SPTY2D1: variants seen among roughly 807,000 people sequenced by gnomAD.
The protein encoded by SPTY2D1 is SPT2 chromatin protein domain containing 1, also known as protein SPT2 homolog.
SPTY2D1 carries 21 observed loss-of-function variants against 64.0 expected under a neutral mutation model. The observed-to-expected ratio is 0.33, with a 90% CI of 0.23 to 0.47. SPTY2D1 has a LOEUF of 0.47. Ranked by LOEUF, SPTY2D1 falls within the 20% of genes least tolerant of loss-of-function variation. The pLI is 1.00. For synonymous variants in SPTY2D1, 287 were observed against 286.8 expected (o/e 1.00, Z -0.01); for missense variants, 724 against 837.2 (o/e 0.86, Z 1.67).
intron 1 of SPTY2D1, among the ~76,000 whole-genome samples, chr11:18,620,929 T>G (rs1272618802): frequency 4.0e-5 from 6 of 151,624 alleles, no homozygotes; most frequent in Non-Finnish European, 8.8e-5. Flanking sequence ...AATATTTTAT[T>G]TGTAAAAAAA....
In SPTY2D1 at chr11:18,606,852, T is replaced by C. The variant is rs1256758955; in HGVS notation, c.*3009A>G. On this transcript the variant is annotated 3_prime_UTR_variant, in exon 6 of 6. Coordinates refer to ENST00000336349, the MANE Select transcript of SPTY2D1 (RefSeq NM_194285.3). ...TTGGGGATTACATTAAAAATGAAAA[T>C]TTGAGTTCCCACATTCTTTTTTTTT... 1 of 364,722 alleles carries C rather than the reference T, an allele frequency of 2.7e-6. No individual in the cohort carries two copies. Among genetic ancestry groups the C allele is most frequent in the Non-Finnish European group, 5.1e-6 (1 of 194,408 alleles). 22.6% of individuals were successfully genotyped at this position (364,722 alleles called of 1,614,324 possible).
intron 1 of SPTY2D1, among the ~76,000 whole-genome samples, chr11:18,625,619 G>A (rs1008208536): frequency 6.6e-6 from 1 of 151,856 alleles, no homozygotes; most frequent in Non-Finnish European, 1.5e-5. Flanking sequence ...GGAGTACAGT[G>A]GCATGACCTT....
In SPTY2D1 at chr11:18,612,769, CTTTTT is replaced by C. The variant is rs749489129; in HGVS notation, c.1712-286_1712-282del. Among the ~76,000 whole-genome samples the C allele has an allele frequency of 7.0e-6, 1 of 143,058 alleles. No homozygotes were observed. The highest frequency in any genetic ancestry group is 1.5e-5 in the Non-Finnish European group (1 of 64,932). 93.9% of individuals were successfully genotyped at this position (143,058 alleles called of 152,430 possible). On this transcript the variant is annotated intron_variant, in intron 3 of 5. Coordinates refer to ENST00000336349, the MANE Select transcript of SPTY2D1 (RefSeq NM_194285.3). This position sits in a 1 kb window ranked among gnomAD's most constrained non-coding sequence, Gnocchi z 4.6. Reference sequence around the variant, plus strand: ...TAAGATCAGTAAAATTTCTTTCTTTCTTTTTTTTTTTTTTGAGACAGAGTTTCACT... The same window carrying C: ...TAAGATCAGTAAAATTTCTTTCTTTCTTTTTTTTTGAGACAGAGTTTCACT...
At position 18,614,765 on chromosome 11, in the gene SPTY2D1, T is replaced by C. The variant is rs759461972; in HGVS notation, c.1509A>G (p.Gly503=). Residue 503 remains glycine (G), a synonymous_variant, in exon 3 of 6, where the codon GGA becomes GGG. Transcript: ENST00000336349. The part of the protein sequence containing the change: ...GRSISGSIPA[G]RTVSNSVPGR... ...CTGGGACTGAATTACTGACAGTCCG[T>C]CCAGCTGGAATTGAGCCACTTATGG... 7 of 1,613,048 alleles carry C rather than the reference T, an allele frequency of 4.3e-6. No individual in the cohort carries two copies. The highest frequency in any genetic ancestry group is 5.9e-6 in the Non-Finnish European group (7 of 1,179,152).
At chr11:18,617,811 G>A (rs1220836212) in intron 1 of SPTY2D1, among the ~76,000 whole-genome samples, 2 of 150,938 alleles carry the variant, frequency 1.3e-5, no homozygotes, top group Non-Finnish European at 2.9e-5. Context: ...GCATGGTGGC[G>A]CACATCCGTA....
intron 1 of SPTY2D1, among the ~76,000 whole-genome samples, chr11:18,618,201 C>T (rs980308579): frequency 1.3e-5 from 2 of 152,082 alleles, no homozygotes; most frequent in African/African-American, 4.8e-5. Context: ...GGGCAAACCA[C>T]AGCAAAAAAG....
At position 18,608,843 on chromosome 11, in the gene SPTY2D1, A is replaced by C. The variant is rs1028365133; in HGVS notation, c.*1018T>G. 1 of 152,636 alleles carries C rather than the reference A, an allele frequency of 6.6e-6. No individual in the cohort carries two copies. Among genetic ancestry groups the C allele is most frequent in the Non-Finnish European group, 1.5e-5 (1 of 68,028 alleles). 9.5% of individuals were successfully genotyped at this position (152,636 alleles called of 1,614,324 possible). A position where few individuals can be genotyped will look rare whatever the true frequency, so the allele number is the denominator to read the frequency against. On this transcript the variant is annotated 3_prime_UTR_variant, in exon 6 of 6. Coordinates refer to ENST00000336349, the MANE Select transcript of SPTY2D1 (RefSeq NM_194285.3). ...AAAGTGCAATATGGGCAAAAAGAGA[A>C]GGTGGTGCTCTCGATACCATAAATT...
chr11:18,607,863 G>T lies in SPTY2D1; in HGVS notation c.*1998C>A, dbSNP rs1656162718. The T allele has an allele frequency of 6.6e-6, 1 of 152,102 alleles. No individual in the cohort carries two copies. Among genetic ancestry groups the T allele is most frequent in the African/African-American group, 2.4e-5 (1 of 41,412 alleles). 9.4% of individuals were successfully genotyped at this position (152,102 alleles called of 1,614,324 possible). A position where few individuals can be genotyped will look rare whatever the true frequency, so the allele number is the denominator to read the frequency against. On this transcript the variant is annotated 3_prime_UTR_variant, in exon 6 of 6. Transcript: ENST00000336349. Reference sequence around the variant, plus strand: ...TCTGGAAATTTATTCTAACATAATGGTGCCTTTCTGTACAAAGAACTGTAC... The same window carrying T: ...TCTGGAAATTTATTCTAACATAATGTTGCCTTTCTGTACAAAGAACTGTAC...
In SPTY2D1 at chr11:18,614,560, T is replaced by G; in HGVS notation, c.1711+3A>C. 6.3e-7 allele frequency: 1 copy of G among 1,593,334 alleles called. No homozygotes were observed. Among genetic ancestry groups the G allele is most frequent in the Non-Finnish European group, 8.6e-7 (1 of 1,168,352 alleles). On this transcript the variant is annotated splice_donor_region_variant and intron_variant, in intron 3 of 5. Transcript: ENST00000336349. ...TACTCTTTCGGGTGAGGGGAAATTT[T>G]ACCTTGGGCAGCTCTGTAGCCAGAT...
At chr11:18,622,399 C>T (rs1486762539) in intron 1 of SPTY2D1, among the ~76,000 whole-genome samples, 1 of 151,812 alleles carries the variant, frequency 6.6e-6, no homozygotes, top group Non-Finnish European at 1.5e-5. Context: ...GACATTGTGA[C>T]GCACGCCTGT....
chr11:18,632,952 T>G (rs1854612007), intron 1 of SPTY2D1, among the ~76,000 whole-genome samples: 1 of 152,166 alleles, frequency 6.6e-6, no homozygotes, highest in African/African-American at 2.4e-5. Context: ...CAATATTGAT[T>G]CATCTGGAAA....
In SPTY2D1 at chr11:18,615,345, T is replaced by A; in HGVS notation, c.929A>T (p.Asn310Ile). The change falls in exon 3 of 6, where the codon AAT (asparagine) becomes ATT (isoleucine). Residue 310 changes from asparagine (N) to isoleucine (I), a missense_variant. By Grantham distance (149) the Asn-to-Ile change is moderately radical. Around this residue, in one of 3 missense-constraint regions of SPTY2D1, gnomAD observed 426 missense variants for 431.8 expected, o/e 0.99. Coordinates refer to ENST00000336349, the MANE Select transcript of SPTY2D1 (RefSeq NM_194285.3). Reference sequence around the variant, plus strand: ...GCTGGAATGAGGCTTTCCAGCTCCATTAAAAACAGGTTTGTCGTGGCCCTC... The same window carrying A: ...GCTGGAATGAGGCTTTCCAGCTCCAATAAAAACAGGTTTGTCGTGGCCCTC... ...LREGHDKPVF[N>I]GAGKPHSSTS... The A allele has an allele frequency of 6.2e-7, 1 of 1,614,184 alleles. No homozygotes were observed. The highest frequency in any genetic ancestry group is 8.5e-7 in the Non-Finnish European group (1 of 1,180,026).
chr11:18,612,083 A>AT lies in SPTY2D1; in HGVS notation c.1886+230dup, dbSNP rs1854215536. ...AAATATATATCTTATAAGAATAACAATTTAAAAGGGTTATTTTTTGTTCCT... is the reference window on the plus strand; with the variant it reads ...AAATATATATCTTATAAGAATAACAATTTTAAAAGGGTTATTTTTTGTTCCT... On this transcript the variant is annotated intron_variant, in intron 4 of 5. Transcript: ENST00000336349. The surrounding 1 kb of genome is among the most constrained non-coding windows in gnomAD (Gnocchi z 4.6). 1 of 353,618 alleles carries AT rather than the reference A, an allele frequency of 2.8e-6. No homozygotes were observed. Among genetic ancestry groups the AT allele is most frequent in the African/African-American group, 2.1e-5 (1 of 47,406 alleles). 21.9% of individuals were successfully genotyped at this position (353,618 alleles called of 1,614,324 possible). A position where few individuals can be genotyped will look rare whatever the true frequency, so the allele number is the denominator to read the frequency against.
intron 1 of SPTY2D1, among the ~76,000 whole-genome samples, chr11:18,622,086 C>CAAAAAAAAAAAAAAAA (rs747593791): frequency 1.7e-4 from 2 of 11,830 alleles, no homozygotes; most frequent in African/African-American, 4.8e-4. Flanking sequence ...GACCCTATCT[C>CAAAAAAAAAAAAAAAA]AAAAAAAAAA....
chr11:18,624,961 T>C (rs1169488095), intron 1 of SPTY2D1, among the ~76,000 whole-genome samples: 2 of 152,256 alleles, frequency 1.3e-5, no homozygotes, highest in Admixed American at 6.5e-5. Context: ...ATCGCGCCAT[T>C]GCACTCCAGC....
rs148494347 is a variant in SPTY2D1 at position 18,615,832 on chromosome 11, C to T, written c.442G>A (p.Glu148Lys). 161 of 1,614,028 alleles carry T rather than the reference C, an allele frequency of 1.0e-4. 1 individual carries two copies. In the African/African-American group the frequency reaches 2.1e-3, roughly 21 times the overall value. ...GGTTTGCTTTCAACTTTGGGAGGTTCTTGCTCTTCCTCATACTCCTGCTCT... is the reference window on the plus strand; with the variant it reads ...GGTTTGCTTTCAACTTTGGGAGGTTTTTGCTCTTCCTCATACTCCTGCTCT... Reference protein sequence around the residue: ...ESEQEYEEEQEPPKVESKPKV... With the variant: ...ESEQEYEEEQKPPKVESKPKV... The change falls in exon 3 of 6, where the codon GAA becomes AAA. Residue 148 changes from glutamate (E) to lysine (K), a missense_variant. Glu to Lys is a moderately conservative substitution (Grantham distance 56). Around this residue, in one of 3 missense-constraint regions of SPTY2D1, gnomAD observed 179 missense variants for 232.5 expected, o/e 0.77. Coordinates refer to ENST00000336349, the MANE Select transcript of SPTY2D1 (RefSeq NM_194285.3).
intron 5 of SPTY2D1, 26 bp downstream of exon 5, chr11:18,611,451 A>C: frequency 6.2e-7 from 1 of 1,607,698 alleles, no homozygotes; most frequent in Non-Finnish European, 8.5e-7. Flanking sequence ...ACATTTTTGC[A>C]CAAGTATGCT....
In SPTY2D1 at chr11:18,614,858, T is replaced by C. The variant is rs148648653; in HGVS notation, c.1416A>G (p.Pro472=). 1,317 of 1,613,846 alleles carry C rather than the reference T, an allele frequency of 8.2e-4. 1 individual carries two copies. The highest frequency in any genetic ancestry group is 2.1e-3 in the Middle Eastern group (13 of 6,062). ...SRGPGRPVSS[P]HELRRPVSGL... Reference sequence around the variant, plus strand: ...CACTCACTGGTCGTCGAAGTTCATGTGGACTGCTCACAGGCCGGCCAGGGC... The same window carrying C: ...CACTCACTGGTCGTCGAAGTTCATGCGGACTGCTCACAGGCCGGCCAGGGC... Residue 472 remains proline (P), a synonymous_variant, in exon 3 of 6, where the codon CCA becomes CCG. Transcript: ENST00000336349.
chr11:18,614,199 G>A (rs1033394893), intron 3 of SPTY2D1, among the ~76,000 whole-genome samples: 4 of 152,100 alleles, frequency 2.6e-5, no homozygotes, highest in East Asian at 1.9e-4. Context: ...TGAGGAAGGC[G>A]GATCTCTGAG....
Sources: allele counts gnomAD v4.1 joint callset (sites outside exome capture counted in the v4.1 genomes callset), GRCh38; gene constraint gnomAD v4.1.1; regional missense constraint gnomAD v4.1.1; non-coding constraint Gnocchi (gnomAD v3.1); transcripts MANE v1.5; gene names NCBI Gene and HGNC (gene_info 2026-07-23, HGNC 2026-07-21).